The following CLU variants were observed in gnomAD, a reference collection of about 807,000 sequenced individuals.
The protein encoded by CLU is aging-associated protein 4.
CLU carries 25 observed loss-of-function variants against 46.4 expected under a neutral mutation model. The ratio of observed to expected loss-of-function variants is 0.54; its 90% CI spans 0.39 to 0.75. The LOEUF (loss-of-function observed/expected upper bound fraction) is 0.75. CLU is among the 30% of genes least tolerant of loss of function. The pLI is 0.00. For synonymous variants in CLU, 235 were observed against 235.1 expected (o/e 1.00, Z 0.00); for missense variants, 504 against 592.1 (o/e 0.85, Z 1.54).
Position 27,598,623 on chromosome 8 carries a change from T to C in CLU, c.1177A>G (p.Thr393Ala), listed in dbSNP as rs1369948122. 4 of 1,613,634 alleles carry C rather than the reference T, an allele frequency of 2.5e-6. No individual in the cohort carries two copies. The highest frequency in any genetic ancestry group is 3.4e-6 in the Non-Finnish European group (4 of 1,179,710). The change falls in exon 8 of 9, where the codon ACT becomes GCT. Residue 393 changes from threonine (T) to alanine (A), a missense_variant. This residue lies in a region of CLU where 428 missense variants were observed against 484.0 expected (regional missense o/e 0.88). Transcript: ENST00000316403. ...YLRVTTVASHTSDSDVPSGVT... is the reference protein window; with the variant it reads ...YLRVTTVASHASDSDVPSGVT... ...CCGGAAGGAACGTCCGAGTCAGAAG[T>C]GTGGGAAGCCACCTAAATGGAACAA... is the stretch of plus-strand genomic sequence containing the variant.
At chr8:27,601,241 G>C (rs904391147) in intron 6 of CLU, among the ~76,000 whole-genome samples, 7 of 152,202 alleles carry the variant, frequency 4.6e-5, no homozygotes, top group Non-Finnish European at 1.0e-4. Context: ...AGGAGAGACA[G>C]GGTTTCACCA....
intron 8 of CLU, 27 bp downstream of exon 8, chr8:27,598,433 G>GC (rs1354330152): frequency 1.9e-6 from 3 of 1,613,450 alleles, no homozygotes; most frequent in Non-Finnish European, 2.5e-6. Flanking sequence ...GGCCCTGCAG[G>GC]CCCGCAGGAA....
chr8:27,603,628 G>A (rs943165301), intron 6 of CLU, among the ~76,000 whole-genome samples: 2 of 152,162 alleles, frequency 1.3e-5, no homozygotes, highest in South Asian at 2.1e-4. Flanking sequence ...TTTGCCTAGG[G>A]GACCAACCAA....
chr8:27,611,465 G>A (rs778711895), intron 1 of CLU: 4 of 455,808 alleles, frequency 8.8e-6, no homozygotes, highest in South Asian at 3.1e-5. Flanking sequence ...CCTGAGCCAC[G>A]GGGCACAGGC....
chr8:27,600,454 C>T (rs546880629), intron 6 of CLU, among the ~76,000 whole-genome samples: 3 of 152,252 alleles, frequency 2.0e-5, no homozygotes, highest in Admixed American at 2.0e-4. Context: ...AGGCTGGTCT[C>T]GAACTCCTGG....
intron 6 of CLU, 21 bp from the exon 7 acceptor site, chr8:27,600,030 C>G: frequency 6.3e-7 from 1 of 1,586,096 alleles, no homozygotes; most frequent in Non-Finnish European, 8.7e-7. Flanking sequence ...ATGGAAGAAA[C>G]GCAAGTGAGA....
At position 27,598,034 on chromosome 8, in the gene CLU, A is replaced by T; in HGVS notation, c.*207T>A. On this transcript the variant is annotated 3_prime_UTR_variant, in exon 9 of 9. Coordinates refer to ENST00000316403, the MANE Select transcript of CLU (RefSeq NM_001831.4). Reference sequence around the variant, plus strand: ...CAGTTTTATTGAATTAGTTGCATGCAGGAGCAATTCTGTTCTTCCCATGAG... The same window carrying T: ...CAGTTTTATTGAATTAGTTGCATGCTGGAGCAATTCTGTTCTTCCCATGAG... The T allele has an allele frequency of 1.4e-6, 1 of 702,360 alleles. No individual in the cohort carries two copies. The highest frequency in any genetic ancestry group is 2.6e-6 in the Non-Finnish European group (1 of 382,770). 43.5% of individuals were successfully genotyped at this position (702,360 alleles called of 1,614,324 possible). A position where few individuals can be genotyped will look rare whatever the true frequency, so the allele number is the denominator to read the frequency against.
In CLU at chr8:27,608,363, C is replaced by A. The variant is rs9331899; in HGVS notation, c.246+575G>T. ...ATCTTAGCATCTGAAGTAGGGCGAC[C>A]GTGAGAGGAGGTTTGTAGGATACTC... On this transcript the variant is annotated intron_variant, in intron 3 of 8. Coordinates refer to ENST00000316403, the MANE Select transcript of CLU (RefSeq NM_001831.4). 1.8e-3 allele frequency among the ~76,000 whole-genome samples: 281 copies of A among 152,228 alleles called. 8 individuals are homozygous for A. In the East Asian group the frequency reaches 0.038, roughly 21 times the overall value.
In CLU at chr8:27,611,015, A is replaced by G. The variant is rs1477535430; in HGVS notation, c.-29-415T>C. 8.2e-6 allele frequency: 3 copies of G among 367,640 alleles called. No homozygotes were observed. In the East Asian group the frequency reaches 2.2e-4, roughly 27 times the overall value. The allele number at this position is 367,640 out of a possible 1,614,324, so 22.8% of individuals were successfully genotyped here. A position where few individuals can be genotyped will look rare whatever the true frequency, so the allele number is the denominator to read the frequency against. On this transcript the variant is annotated intron_variant, in intron 1 of 8. Coordinates refer to ENST00000316403, the MANE Select transcript of CLU (RefSeq NM_001831.4). ...TTAGGTCATGCATCCGTCCCTCCCC[A>G]TGCCACCTCCACAGAGGGACTGCAT... is the stretch of plus-strand genomic sequence containing the variant.
At chr8:27,613,080 G>A (rs34109053) in intron 1 of CLU, among the ~76,000 whole-genome samples, 33,821 of 151,862 alleles carry the variant, frequency 0.22, 4,122 homozygotes, top group East Asian at 0.31. Context: ...GGGCAGGGCT[G>A]GAGGCTTAAG....
chr8:27,604,799 T>G, intron 5 of CLU, 125 bp downstream of exon 5: 1 of 1,164,638 alleles, frequency 8.6e-7, no homozygotes, highest in East Asian at 2.4e-5. Context: ...CCTCTTTAAA[T>G]AAGGATAATA....
intron 6 of CLU, among the ~76,000 whole-genome samples, chr8:27,602,600 CAAA>C (rs780867922): frequency 8.7e-5 from 9 of 103,792 alleles, no homozygotes; most frequent in African/African-American, 1.8e-4. Flanking sequence ...GACCCTGTCT[CAAA>C]AAAAAAAAAA....
chr8:27,600,004 A>G lies in CLU; in HGVS notation c.940T>C (p.Ser314Pro). The G allele has an allele frequency of 6.2e-7, 1 of 1,613,770 alleles. No homozygotes were observed. Among genetic ancestry groups the G allele is most frequent in the Non-Finnish European group, 8.5e-7 (1 of 1,179,698 alleles). ...TTAGCCTGGGAGGGGTTGTTGGTGGAACAGTCTGCCCAGAGATGGAAGAAA... is the reference window on the plus strand; with the variant it reads ...TTAGCCTGGGAGGGGTTGTTGGTGGGACAGTCTGCCCAGAGATGGAAGAAA... ...KCREILSVDC[S>P]TNNPSQAKLR... The change falls in exon 7 of 9, where the codon TCC becomes CCC. Residue 314 changes from serine to proline, a missense_variant. Physicochemically the swap from Ser to Pro is moderately conservative, Grantham distance 74 (BLOSUM62 -1). Transcript: ENST00000316403.
intron 2 of CLU, among the ~76,000 whole-genome samples, 193 bp downstream of exon 2, chr8:27,610,282 G>A (rs1407755642): frequency 6.6e-6 from 1 of 152,208 alleles, no homozygotes; most frequent in Non-Finnish European, 1.5e-5. Flanking sequence ...TCTGATGCAC[G>A]CAGAGCCTGA....
At chr8:27,604,255 CAG>C in intron 6 of CLU, 34 bp downstream of exon 6, 1 of 1,552,510 alleles carries the variant, frequency 6.4e-7, no homozygotes, top group Non-Finnish European at 8.9e-7. Flanking sequence ...CACAAGGGAT[CAG>C]GGGGGACGGC....
At position 27,604,324 on chromosome 8, in the gene CLU, G is replaced by A. The variant is rs1352941838; in HGVS notation, c.901C>T (p.Gln301Ter). The A allele has an allele frequency of 6.2e-7, 1 of 1,614,062 alleles. No homozygotes were observed. The highest frequency in any genetic ancestry group is 1.3e-5 in the African/African-American group (1 of 75,038). Residue 301 changes from glutamine to a stop codon, truncating the protein, a stop_gained, in exon 6 of 9, where the codon CAG (glutamine) becomes TAG (stop). Transcript: ENST00000316403. LOFTEE classifies it high-confidence loss of function. Reference protein sequence around the residue: ...NSTGCLRMKDQCDKCREILSV... With the variant: ...NSTGCLRMKD The stretch of plus-strand genomic sequence containing the variant: ...AAGATCTCCCGGCACTTGTCACACT[G>A]GTCCTTCATCCGCAGGCAGCCCGTG...
At chr8:27,601,806 AAAAATAAG>A (rs1257871783) in intron 6 of CLU, among the ~76,000 whole-genome samples, 1 of 151,858 alleles carries the variant, frequency 6.6e-6, no homozygotes, top group Non-Finnish European at 1.5e-5. Context: ...AAAAAAATTT[AAAAATAAG>A]AAAAACTAGC....
chr8:27,608,498 A>G, intron 3 of CLU: 1 of 281,084 alleles, frequency 3.6e-6, no homozygotes, highest in Non-Finnish European at 6.9e-6. Flanking sequence ...TGGGCTTAAG[A>G]TGTTTCTTTA....
At chr8:27,600,227 TTTTTTG>T (rs912908363) in intron 6 of CLU, among the ~76,000 whole-genome samples, 1 of 152,066 alleles carries the variant, frequency 6.6e-6, no homozygotes, top group Non-Finnish European at 1.5e-5. Flanking sequence ...GTCTTTTGGG[TTTTTTG>T]TTTTTGTTTT....
Sources: gnomAD v4.1 joint callset for allele counts (sites outside exome capture counted in the v4.1 genomes callset) on GRCh38, gnomAD v4.1.1 for gene constraint, gnomAD v4.1.1 regional missense constraint, MANE v1.5 for transcripts, NCBI Gene and HGNC (gene_info 2026-07-23, HGNC 2026-07-21) for gene names.